Variants in CTNNA2 observed in about 807,000 individuals in gnomAD.
CTNNA2 encodes catenin alpha 2, also known as catenin alpha-2.
CTNNA2 carries 42 observed loss-of-function variants against 101.0 expected under a neutral mutation model. That is an observed-to-expected ratio of 0.42 (90% CI 0.32 to 0.54). The LOEUF is 0.54. Among genes scored for constraint, CTNNA2 ranks in the 20% least tolerant of loss-of-function variants. The pLI, the probability that CTNNA2 is intolerant of heterozygous loss-of-function variation, is 0.14. For missense variants in CTNNA2, 871 were observed against 1,223.1 expected, an observed-to-expected ratio of 0.71 and a Z score of 4.29; for synonymous variants, 450 against 456.4, an observed-to-expected ratio of 0.99 and a Z score of 0.18.
At chr2:80,338,801 G>C (rs977044892) in intron 7 of CTNNA2, among the ~76,000 whole-genome samples, 2 of 152,130 alleles carry the variant, frequency 1.3e-5, no homozygotes, top group African/African-American at 4.8e-5. Flanking sequence ...GAGAGAGCTA[G>C]GCTTGTGATT....
intron 7 of CTNNA2, among the ~76,000 whole-genome samples, chr2:80,060,743 G>A (rs1246997671): frequency 6.6e-6 from 1 of 152,072 alleles, no homozygotes; most frequent in Non-Finnish European, 1.5e-5. Context: ...AGAAGACAGT[G>A]GATACATGAA....
At chr2:80,469,035 C>G (rs1334279648) in intron 9 of CTNNA2, among the ~76,000 whole-genome samples, 1 of 152,124 alleles carries the variant, frequency 6.6e-6, no homozygotes, top group Non-Finnish European at 1.5e-5. Context: ...GTTGAAGGTG[C>G]TGAAGGTGCA....
At chr2:80,469,727 G>A (rs141784853) in intron 9 of CTNNA2, among the ~76,000 whole-genome samples, 1 of 152,080 alleles carries the variant, frequency 6.6e-6, no homozygotes, top group Non-Finnish European at 1.5e-5. Context: ...ACCTTATGGG[G>A]GGTATAGTCT....
intron 7 of CTNNA2, among the ~76,000 whole-genome samples, chr2:79,954,796 C>T (rs1689113744): frequency 6.6e-6 from 1 of 152,094 alleles, no homozygotes; most frequent in African/African-American, 2.4e-5. Flanking sequence ...TTGATTAGAC[C>T]TGTGGGTTTT....
intron 4 of CTNNA2, among the ~76,000 whole-genome samples, chr2:79,444,157 C>T (rs1383646309): frequency 6.6e-6 from 1 of 151,952 alleles, no homozygotes; most frequent in African/African-American, 2.4e-5. Flanking sequence ...GGTGAGAGAT[C>T]CTAAAACAAA....
chr2:80,559,072 A>G, intron 12 of CTNNA2, among the ~76,000 whole-genome samples: 1 of 152,134 alleles, frequency 6.6e-6, no homozygotes, highest in Admixed American at 6.6e-5. Flanking sequence ...TGTAACCACC[A>G]AGATGTCTCT....
At chr2:79,291,318 G>C (rs565119968) in intron 2 of CTNNA2, among the ~76,000 whole-genome samples, 1 of 152,178 alleles carries the variant, frequency 6.6e-6, no homozygotes, top group Non-Finnish European at 1.5e-5. Context: ...CCAGGAGACT[G>C]TCAGGTGTAT....
intron 2 of CTNNA2, among the ~76,000 whole-genome samples, chr2:79,237,931 A>G (rs1470711759): frequency 6.6e-6 from 1 of 152,156 alleles, no homozygotes; most frequent in African/African-American, 2.4e-5. Context: ...CAACAATAAG[A>G]CTGTTTCACT....
At chr2:79,717,595 A>G (rs1295197134) in intron 2 of CTNNA2, among the ~76,000 whole-genome samples, 1 of 152,196 alleles carries the variant, frequency 6.6e-6, no homozygotes, top group Admixed American at 6.5e-5. Flanking sequence ...TGAGCCATCT[A>G]AACAGCAGTG....
intron 7 of CTNNA2, among the ~76,000 whole-genome samples, chr2:80,094,522 G>T (rs1429573637): frequency 2.0e-5 from 3 of 152,172 alleles, no homozygotes; most frequent in Non-Finnish European, 4.4e-5. Context: ...CTTTAAAGTA[G>T]TTTTTTCTAA....
chr2:79,416,581 A>G (rs997831496), intron 4 of CTNNA2, among the ~76,000 whole-genome samples: 5 of 152,090 alleles, frequency 3.3e-5, no homozygotes, highest in Non-Finnish European at 5.9e-5. Context: ...CAATCATTGT[A>G]TACTCATTCA....
intron 1 of CTNNA2, among the ~76,000 whole-genome samples, chr2:79,568,554 C>G (rs552821470): frequency 6.6e-6 from 1 of 151,612 alleles, no homozygotes; most frequent in African/African-American, 2.4e-5. Flanking sequence ...GCCAAGATTG[C>G]GCCACTGCAC....
At chr2:79,771,168 T>C (rs1673545832) in intron 3 of CTNNA2, among the ~76,000 whole-genome samples, 1 of 152,204 alleles carries the variant, frequency 6.6e-6, no homozygotes, top group Admixed American at 6.5e-5. Context: ...AAACTTGATA[T>C]TTTATGTAAA....
At chr2:79,427,921 A>G (rs1426125289) in intron 4 of CTNNA2, among the ~76,000 whole-genome samples, 2 of 152,084 alleles carry the variant, frequency 1.3e-5, no homozygotes, top group Non-Finnish European at 2.9e-5. Context: ...GATACTTGAG[A>G]GGAAAATGAA....
intron 2 of CTNNA2, among the ~76,000 whole-genome samples, chr2:79,297,233 C>T (rs147294696): frequency 2.6e-5 from 4 of 152,106 alleles, no homozygotes; most frequent in Non-Finnish European, 5.9e-5. Flanking sequence ...CAGCTGAAAC[C>T]TAAAAATGCT....
intron 2 of CTNNA2, among the ~76,000 whole-genome samples, chr2:79,690,949 A>G (rs1004486267): frequency 6.6e-6 from 1 of 152,056 alleles, no homozygotes; most frequent in Non-Finnish European, 1.5e-5. Flanking sequence ...TTATGTACCC[A>G]TTATGAACAT....
chr2:80,439,962 G>A (rs1372392403), intron 9 of CTNNA2, among the ~76,000 whole-genome samples: 2 of 152,118 alleles, frequency 1.3e-5, no homozygotes, highest in Non-Finnish European at 2.9e-5. Context: ...CTCTTGGGGA[G>A]CTTAATTCTA....
intron 1 of CTNNA2, among the ~76,000 whole-genome samples, chr2:79,628,533 A>T (rs1679474178): frequency 6.6e-6 from 1 of 152,164 alleles, no homozygotes; most frequent in African/African-American, 2.4e-5. Context: ...TAAAAATCTT[A>T]CAGGATAGGT....
intron 13 of CTNNA2, chr2:80,576,275 C>T (rs1336982062): frequency 6.6e-6 from 1 of 152,078 alleles, no homozygotes; most frequent in Non-Finnish European, 1.5e-5. Flanking sequence ...TCCAGGCAAC[C>T]CTCTGAAGTA....
Sources: allele counts gnomAD v4.1 joint callset (sites outside exome capture counted in the v4.1 genomes callset), GRCh38; gene constraint gnomAD v4.1.1; transcripts MANE v1.5; gene names NCBI Gene and HGNC (gene_info 2026-07-23, HGNC 2026-07-21).